The following MFHAS1 variants were observed in gnomAD, a reference collection of about 807,000 sequenced individuals.
MFHAS1 encodes multifunctional ROCO family signaling regulator 1.
In MFHAS1, 50 loss-of-function variants were observed where a neutral mutation model predicts 70.4. The ratio of observed to expected loss-of-function variants is 0.71; its 90% confidence interval spans 0.57 to 0.90. MFHAS1 has a LOEUF of 0.90. MFHAS1 is among the 40% of genes least tolerant of loss of function. The pLI, the probability that MFHAS1 is intolerant of heterozygous loss-of-function variation, is 0.00. For missense variants in MFHAS1, 1,795 were observed against 1,347.6 expected, an observed-to-expected ratio of 1.33 and a Z score of -5.20; for synonymous variants, 952 against 620.0, an observed-to-expected ratio of 1.54 and a Z score of -7.96.
intron 1 of MFHAS1, 92 bp from the exon 2 acceptor site, chr8:8,797,583 G>C: frequency 7.2e-7 from 1 of 1,385,176 alleles, no homozygotes; most frequent in South Asian, 1.4e-5. Flanking sequence ...ATGGGGGCAG[G>C]GGGAGAAGGG....
chr8:8,814,759 T>C (rs761972850), intron 1 of MFHAS1, among the ~76,000 whole-genome samples: 2 of 151,302 alleles, frequency 1.3e-5, no homozygotes, highest in Admixed American at 6.6e-5. Context: ...CGATGGTAAA[T>C]AGGAGCATGA....
intron 1 of MFHAS1, among the ~76,000 whole-genome samples, chr8:8,829,017 C>T (rs1470364323): frequency 4.6e-5 from 7 of 152,268 alleles, no homozygotes. Flanking sequence ...ATCTATTCTC[C>T]CCAGCCTCTC....
intron 2 of MFHAS1, among the ~76,000 whole-genome samples, chr8:8,794,459 T>A (rs1222169367): frequency 6.6e-6 from 1 of 152,208 alleles, no homozygotes; most frequent in African/African-American, 2.4e-5. Context: ...CCACATGAGT[T>A]TGTTTTTGTC....
chr8:8,869,732 A>G (rs1338748704), intron 1 of MFHAS1, among the ~76,000 whole-genome samples: 1 of 152,170 alleles, frequency 6.6e-6, no homozygotes, highest in East Asian at 1.9e-4. Flanking sequence ...GCTGTGGTTA[A>G]AATTTTTCTT....
chr8:8,871,023 C>T (rs917750549), intron 1 of MFHAS1, among the ~76,000 whole-genome samples: 1 of 152,132 alleles, frequency 6.6e-6, no homozygotes, highest in African/African-American at 2.4e-5. Context: ...GGGGGTTATT[C>T]TGCTTTTCAT....
chr8:8,885,891 T>C lies in MFHAS1; in HGVS notation c.2998+4170A>G, dbSNP rs1809733083. On this transcript the variant is annotated intron_variant, in intron 1 of 2. Transcript: ENST00000276282. ...TGCCCAGCTAATTTTTTTGTATTTT[T>C]TGTAGAGATGGGGTTTCACCAGGTT... Among the ~76,000 whole-genome samples, 5 of 152,152 alleles carry C rather than the reference T, an allele frequency of 3.3e-5. No homozygotes were observed. In the South Asian group the frequency reaches 8.3e-4, roughly 25 times the overall value.
Position 8,891,533 on chromosome 8 carries a change from G to A in MFHAS1, c.1526C>T (p.Pro509Leu), listed in dbSNP as rs747787696. Residue 509 changes from proline (P) to leucine (L), a missense_variant, in exon 1 of 3, where the codon CCT becomes CTT. Coordinates refer to ENST00000276282, the MANE Select transcript of MFHAS1 (RefSeq NM_004225.3). This position sits in a 1 kb window ranked among gnomAD's most constrained non-coding sequence, Gnocchi z 5.4. ...GCCCACGGTGGTAGGAAAGTGGCGAGGCTCATAGGTGGCCAAGTTGACCAC... is the reference window on the plus strand; with the variant it reads ...GCCCACGGTGGTAGGAAAGTGGCGAAGCTCATAGGTGGCCAAGTTGACCAC... ...VLVVNLATYE[P>L]RHFPTTVGSF... The A allele has an allele frequency of 2.5e-6, 4 of 1,612,976 alleles. No individual in the cohort carries two copies. In the African/African-American group the frequency reaches 4.0e-5, roughly 16 times the overall value.
intron 2 of MFHAS1, among the ~76,000 whole-genome samples, chr8:8,792,944 T>C (rs1368156348): frequency 6.6e-6 from 1 of 152,206 alleles, no homozygotes; most frequent in Non-Finnish European, 1.5e-5. Flanking sequence ...AATGCAGATA[T>C]CCTTGAAAAT....
At chr8:8,792,475 G>A (rs1427280330) in intron 2 of MFHAS1, among the ~76,000 whole-genome samples, 6 of 151,926 alleles carry the variant, frequency 3.9e-5, no homozygotes, top group South Asian at 4.2e-4. Flanking sequence ...GTGCAGTGGC[G>A]TGTGCCTATA....
chr8:8,790,418 A>G (rs1006659281), intron 2 of MFHAS1: 64 of 980,104 alleles, frequency 6.5e-5, no homozygotes, highest in Admixed American at 6.2e-5. Context: ...TAATTTTCCA[A>G]GAAAGTATGA....
At chr8:8,837,859 A>AAATAGCTACTTACAT (rs1807659993) in intron 1 of MFHAS1, among the ~76,000 whole-genome samples, 1 of 152,212 alleles carries the variant, frequency 6.6e-6, no homozygotes, top group Non-Finnish European at 1.5e-5. Context: ...TACAGAAAAC[A>AAATAGCTACTTACAT]GTATTATGAC....
intron 1 of MFHAS1, among the ~76,000 whole-genome samples, chr8:8,807,038 G>A (rs573951803): frequency 2.0e-5 from 3 of 152,016 alleles, no homozygotes; most frequent in Non-Finnish European, 4.4e-5. Flanking sequence ...TGATGTTGGG[G>A]GTATAGAAAA....
chr8:8,860,996 T>G (rs181783055), intron 1 of MFHAS1, among the ~76,000 whole-genome samples: 12 of 152,314 alleles, frequency 7.9e-5, no homozygotes, highest in African/African-American at 2.9e-4. Context: ...GAGTTCTATT[T>G]CACAGTCCCT....
chr8:8,851,826 T>G (rs1316298453), intron 1 of MFHAS1, among the ~76,000 whole-genome samples: 1 of 152,218 alleles, frequency 6.6e-6, no homozygotes, highest in Non-Finnish European at 1.5e-5. Context: ...GAAGTTGTGA[T>G]GCCCCCCGCA....
At chr8:8,879,864 A>G in intron 1 of MFHAS1, among the ~76,000 whole-genome samples, 1 of 152,200 alleles carries the variant, frequency 6.6e-6, no homozygotes, top group East Asian at 1.9e-4. Context: ...TCTGGTAATC[A>G]TCTACATTTG....
At chr8:8,812,078 C>T (rs931502098) in intron 1 of MFHAS1, among the ~76,000 whole-genome samples, 1 of 152,180 alleles carries the variant, frequency 6.6e-6, no homozygotes, top group Non-Finnish European at 1.5e-5. Context: ...AAAGAGAAAA[C>T]CACAACAAAG....
intron 1 of MFHAS1, among the ~76,000 whole-genome samples, chr8:8,816,469 T>C (rs1806750071): frequency 6.6e-6 from 1 of 152,232 alleles, no homozygotes; most frequent in Non-Finnish European, 1.5e-5. Flanking sequence ...TCATATCCCA[T>C]GAGTTTCATG....
At chr8:8,850,867 G>A (rs900744466) in intron 1 of MFHAS1, among the ~76,000 whole-genome samples, 18 of 147,610 alleles carry the variant, frequency 1.2e-4, no homozygotes, top group Non-Finnish European at 2.5e-4. Context: ...GTCAGCACCC[G>A]CTACACACCA....
chr8:8,845,642 A>G (rs931036582), intron 1 of MFHAS1, among the ~76,000 whole-genome samples: 3 of 152,134 alleles, frequency 2.0e-5, no homozygotes, highest in Non-Finnish European at 4.4e-5. Flanking sequence ...TTTTGACTTA[A>G]TATTTCCCTA....
Sources: gnomAD v4.1 joint callset for allele counts (sites outside exome capture counted in the v4.1 genomes callset) on GRCh38, gnomAD v4.1.1 for gene constraint, Gnocchi (gnomAD v3.1) non-coding constraint, MANE v1.5 for transcripts, NCBI Gene and HGNC (gene_info 2026-07-23, HGNC 2026-07-21) for gene names.